The following KCNQ2 variants were observed in gnomAD, a reference collection of about 807,000 sequenced individuals.
KCNQ2 encodes potassium voltage-gated channel subfamily KQT member 2.
KCNQ2 carries 14 observed loss-of-function variants against 84.8 expected under a neutral mutation model. The observed-to-expected ratio is 0.17, with a 90% CI of 0.11 to 0.26. The LOEUF (loss-of-function observed/expected upper bound fraction) is 0.26, where lower values mean the gene tolerates loss of function less well. Ranked by LOEUF, KCNQ2 falls within the 10% of genes least tolerant of loss-of-function variation. The pLI, the probability that KCNQ2 is intolerant of heterozygous loss-of-function variation, is 1.00. For missense variants in KCNQ2, 788 were observed against 1,254.0 expected, an observed-to-expected ratio of 0.63 and a Z score of 5.61; for synonymous variants, 599 against 554.1, an observed-to-expected ratio of 1.08 and a Z score of -1.14.
At chr20:63,466,829 G>A (rs759430854) in intron 1 of KCNQ2, among the ~76,000 whole-genome samples, 6 of 152,204 alleles carry the variant, frequency 3.9e-5, no homozygotes, top group Non-Finnish European at 7.4e-5. Flanking sequence ...ACAGGAGCAC[G>A]TCTCACACGG....
intron 4 of KCNQ2, among the ~76,000 whole-genome samples, chr20:63,443,247 A>ATCAC (rs2081290215): frequency 7.4e-5 from 1 of 13,440 alleles, no homozygotes. Context: ...CACCACCATC[A>ATCAC]CATCACCATC....
chr20:63,433,340 G>T (rs553201316), intron 8 of KCNQ2: 1 of 233,330 alleles, frequency 4.3e-6, no homozygotes, highest in East Asian at 1.2e-4. Flanking sequence ...TGGTCTGAAA[G>T]TCTCACTGTG....
intron 15 of KCNQ2, among the ~76,000 whole-genome samples, chr20:63,410,449 C>A (rs538677044): frequency 6.6e-6 from 1 of 152,332 alleles, no homozygotes; most frequent in Admixed American, 6.5e-5. Flanking sequence ...TGTGAACCTG[C>A]ACGTCTCCTA....
chr20:63,405,778 T>C lies in KCNQ2; in HGVS notation c.*866A>G, dbSNP rs931487242. The C allele has an allele frequency of 5.3e-5, 8 of 152,150 alleles. No individual in the cohort carries two copies. Among genetic ancestry groups the C allele is most frequent in the East Asian group, 1.9e-4 (1 of 5,162 alleles). The allele number at this position is 152,150 out of a possible 1,614,324, so 9.4% of individuals were successfully genotyped here. A position where few individuals can be genotyped will look rare whatever the true frequency, so the allele number is the denominator to read the frequency against. Reference sequence around the variant, plus strand: ...GCCCCCCCGGTCTCCAAGGCTGGGGTGCTGCTGGCTCTCACGCACCCACAG... The same window carrying C: ...GCCCCCCCGGTCTCCAAGGCTGGGGCGCTGCTGGCTCTCACGCACCCACAG... On this transcript the variant is annotated 3_prime_UTR_variant, in exon 17 of 17. Coordinates refer to ENST00000359125, the MANE Select transcript of KCNQ2 (RefSeq NM_172107.4).
At position 63,428,650 on chromosome 20, in the gene KCNQ2, T is replaced by A. The variant is rs535683109; in HGVS notation, c.1149-215A>T. On this transcript the variant is annotated intron_variant, in intron 9 of 16. Coordinates refer to ENST00000359125, the MANE Select transcript of KCNQ2 (RefSeq NM_172107.4). ...GGGAGCCATCTTCATTCTCTGGCTG[T>A]GCCTGGGGCCTTGTCAACCAGCAGG... is the stretch of plus-strand genomic sequence containing the variant. 8.5e-5 allele frequency among the ~76,000 whole-genome samples: 13 copies of A among 152,264 alleles called. No homozygotes were observed. In the East Asian group the frequency reaches 2.1e-3, roughly 25 times the overall value.
intron 15 of KCNQ2, among the ~76,000 whole-genome samples, chr20:63,409,205 A>ACGTGTGTGTGCACTCGATGTG (rs1249773503): frequency 7.2e-5 from 11 of 152,234 alleles, no homozygotes; most frequent in Admixed American, 1.3e-4. Context: ...CTGTGTGTGC[A>ACGTGTGTGTGCACTCGATGTG]CGTGTGTGTG....
At chr20:63,439,811 G>A in intron 5 of KCNQ2, 103 bp from the exon 6 acceptor site, 2 of 856,076 alleles carry the variant, frequency 2.3e-6, no homozygotes, top group Non-Finnish European at 2.0e-6. Flanking sequence ...GACAGATGCG[G>A]GGCCACCCCC....
chr20:63,428,895 T>A (rs1161956454), intron 9 of KCNQ2, among the ~76,000 whole-genome samples: 1 of 152,084 alleles, frequency 6.6e-6, no homozygotes, highest in Non-Finnish European at 1.5e-5. Context: ...GAGGTGGGGA[T>A]ACAGAAAAGG....
chr20:63,448,601 C>G (rs2081507378), intron 1 of KCNQ2: 1 of 152,294 alleles, frequency 6.6e-6, no homozygotes, highest in Non-Finnish European at 1.5e-5. Flanking sequence ...ATTCCCCACA[C>G]TCAGGATCTC....
At chr20:63,430,313 G>T (rs1400655669) in intron 9 of KCNQ2, among the ~76,000 whole-genome samples, 1 of 152,176 alleles carries the variant, frequency 6.6e-6, no homozygotes, top group Non-Finnish European at 1.5e-5. Flanking sequence ...GGGGCAGCAG[G>T]GCCTCTGCAG....
At chr20:63,451,568 C>T (rs898033328) in intron 1 of KCNQ2, among the ~76,000 whole-genome samples, 14 of 152,188 alleles carry the variant, frequency 9.2e-5, no homozygotes, top group Admixed American at 2.6e-4. Flanking sequence ...GCGTGGACCT[C>T]GTGTCAAGCC....
intron 15 of KCNQ2, among the ~76,000 whole-genome samples, chr20:63,409,690 C>T (rs2080054504): frequency 6.6e-6 from 1 of 152,192 alleles, no homozygotes; most frequent in Admixed American, 6.5e-5. Flanking sequence ...CCACACCAGC[C>T]GACGGGGCCA....
intron 7 of KCNQ2, among the ~76,000 whole-genome samples, chr20:63,436,767 AAACAT>A (rs2081021720): frequency 6.8e-6 from 1 of 147,856 alleles, no homozygotes; most frequent in Admixed American, 7.0e-5. Flanking sequence ...GGCATGGTAT[AAACAT>A]AACTTTTTTT....
In KCNQ2 at chr20:63,401,096, C is replaced by T. The variant is rs1264814585; in HGVS notation, c.*5548G>A. 4 of 385,340 alleles carry T rather than the reference C, an allele frequency of 1.0e-5. No homozygotes were observed. The highest frequency in any genetic ancestry group is 1.8e-5 in the Non-Finnish European group (4 of 218,142). 23.9% of individuals were successfully genotyped at this position (385,340 alleles called of 1,614,324 possible). A position where few individuals can be genotyped will look rare whatever the true frequency, so the allele number is the denominator to read the frequency against. Reference sequence around the variant, plus strand: ...CTGAGGACCTCTCAGGACGGGGCCCCTGGCCAGAGCCAGTCTCCTCGGCCA... The same window carrying T: ...CTGAGGACCTCTCAGGACGGGGCCCTTGGCCAGAGCCAGTCTCCTCGGCCA... On this transcript the variant is annotated 3_prime_UTR_variant, in exon 17 of 17. Transcript: ENST00000359125.
At chr20:63,434,205 ACT>A in intron 7 of KCNQ2, 1 of 433,730 alleles carries the variant, frequency 2.3e-6, no homozygotes, top group Middle Eastern at 5.8e-4. Flanking sequence ...CCTTTTCATG[ACT>A]CTTACCTGGC....
rs571652871 is a variant in KCNQ2, at chr20:63,412,434, G to A, written c.1763+1016C>T. ...CACGCACACGCAGCCAGGGTTGGCC[G>A]CTGCTCCAGAGAGGACGCTGGGAAA... On this transcript the variant is annotated intron_variant, in intron 15 of 16. Coordinates refer to ENST00000359125, the MANE Select transcript of KCNQ2 (RefSeq NM_172107.4). 3.9e-5 allele frequency among the ~76,000 whole-genome samples: 6 copies of A among 152,342 alleles called. No individual in the cohort carries two copies. In the East Asian group the frequency reaches 9.6e-4, roughly 24 times the overall value.
intron 4 of KCNQ2, among the ~76,000 whole-genome samples, chr20:63,442,848 CCAT>C (rs199565294): frequency 2.9e-5 from 1 of 34,964 alleles, no homozygotes; most frequent in Non-Finnish European, 6.6e-5. Context: ...ACCACCATCA[CCAT>C]CACCACCACC....
At position 63,446,854 on chromosome 20, in the gene KCNQ2, C is replaced by T. The variant is rs375745899; in HGVS notation, c.297-17G>A. ...AGGAGGAACCTGGGGGCAGGGAACG[C>T]GCGCTCTCAGACAGGCCGCAGCAGG... On this transcript the variant is annotated splice_polypyrimidine_tract_variant and intron_variant, in intron 1 of 16. Coordinates refer to ENST00000359125, the MANE Select transcript of KCNQ2 (RefSeq NM_172107.4). This position sits in a 1 kb window ranked among gnomAD's most constrained non-coding sequence, Gnocchi z 5.5. 11 of 1,609,628 alleles carry T rather than the reference C, an allele frequency of 6.8e-6. No individual in the cohort carries two copies. Among genetic ancestry groups the T allele is most frequent in the South Asian group, 5.5e-5 (5 of 91,016 alleles).
intron 3 of KCNQ2, among the ~76,000 whole-genome samples, 156 bp downstream of exon 3, chr20:63,445,082 C>A (rs2081372622): frequency 6.6e-6 from 1 of 152,200 alleles, no homozygotes; most frequent in Non-Finnish European, 1.5e-5. Flanking sequence ...ACCACAGCCT[C>A]TGACTCCAAG....
Sources: allele counts gnomAD v4.1 joint callset (sites outside exome capture counted in the v4.1 genomes callset), GRCh38; gene constraint gnomAD v4.1.1; non-coding constraint Gnocchi (gnomAD v3.1); transcripts MANE v1.5; gene names NCBI Gene and HGNC (gene_info 2026-07-23, HGNC 2026-07-21).